HS6ST3: variants seen among roughly 807,000 people sequenced by gnomAD.
HS6ST3 encodes heparan sulfate 6-O-sulfotransferase 3, also known as heparan-sulfate 6-O-sulfotransferase 3.
HS6ST3 carries 12 observed loss-of-function variants against 36.7 expected under a neutral mutation model. That is an observed-to-expected ratio of 0.33 (90% confidence interval 0.21 to 0.53). The LOEUF is 0.53. Ranked by LOEUF, HS6ST3 falls within the 20% of genes least tolerant of loss-of-function variation. HS6ST3 has a pLI of 0.95. For missense variants in HS6ST3, 584 were observed against 640.9 expected, an observed-to-expected ratio of 0.91 and a Z score of 0.96; for synonymous variants, 240 against 257.5, an observed-to-expected ratio of 0.93 and a Z score of 0.65.
At position 96,832,576 on chromosome 13, in the gene HS6ST3, A is replaced by G. The variant is rs9516771; in HGVS notation, c.794A>G (p.Lys265Arg). 0.056 allele frequency: 90,591 copies of G among 1,613,772 alleles called. 2,911 individuals are homozygous for G. Among genetic ancestry groups the G allele is most frequent in the Middle Eastern group, 0.093 (566 of 6,058 alleles). Residue 265 changes from lysine (K) to arginine (R), a missense_variant, in exon 2 of 2, where the codon AAA (lysine) becomes AGA (arginine). This residue lies in a region of HS6ST3 where 360 missense variants were observed against 411.3 expected (regional missense o/e 0.88). Coordinates refer to ENST00000376705, the MANE Select transcript of HS6ST3 (RefSeq NM_153456.4). ...WKHVQRGATW[K>R]TSLHMCDGRS... ...CATGTCCAGAGAGGGGCCACTTGGA[A>G]AACCTCTCTTCATATGTGTGATGGA...
At chr13:96,332,329 C>T (rs1400879013) in intron 1 of HS6ST3, among the ~76,000 whole-genome samples, 1 of 152,152 alleles carries the variant, frequency 6.6e-6, no homozygotes, top group Non-Finnish European at 1.5e-5. Flanking sequence ...ATGGCTCTTG[C>T]AGACCATGTA....
intron 1 of HS6ST3, among the ~76,000 whole-genome samples, chr13:96,799,784 TAA>T (rs141104397): frequency 1.0e-4 from 14 of 140,190 alleles, no homozygotes; most frequent in African/African-American, 3.4e-4. Flanking sequence ...AGTATAATAA[TAA>T]AAAAAAAAAA....
At chr13:96,671,783 C>T (rs540073958) in intron 1 of HS6ST3, among the ~76,000 whole-genome samples, 1 of 152,168 alleles carries the variant, frequency 6.6e-6, no homozygotes, top group East Asian at 1.9e-4. Context: ...ATCATCTCTT[C>T]AAAGACTCTC....
chr13:96,197,049 C>G (rs1404484522), intron 1 of HS6ST3, among the ~76,000 whole-genome samples: 1 of 152,202 alleles, frequency 6.6e-6, no homozygotes, highest in Admixed American at 6.5e-5. Flanking sequence ...AGGACTGGCT[C>G]ATTGTCAATG....
intron 1 of HS6ST3, among the ~76,000 whole-genome samples, chr13:96,572,486 A>T (rs767777425): frequency 6.6e-6 from 1 of 152,206 alleles, no homozygotes; most frequent in Non-Finnish European, 1.5e-5. Flanking sequence ...CAGATAAATT[A>T]TTCAGTTATT....
At chr13:96,775,658 A>G (rs1176169411) in intron 1 of HS6ST3, among the ~76,000 whole-genome samples, 1 of 152,200 alleles carries the variant, frequency 6.6e-6, no homozygotes, top group Admixed American at 6.5e-5. Context: ...ATATATATCC[A>G]CCCAATACAG....
rs533767457 is a variant in HS6ST3 at position 96,574,843 on chromosome 13, A to G, written c.708-257647A>G. ...CCACACTCTGAAGCTGGAATTGATG[A>G]TCCACGAGGGTTGAACACACACACA... On this transcript the variant is annotated intron_variant, in intron 1 of 1. Transcript: ENST00000376705. 5.3e-5 allele frequency among the ~76,000 whole-genome samples: 8 copies of G among 152,230 alleles called. No homozygotes were observed. In the South Asian group the frequency reaches 1.0e-3, roughly 20 times the overall value.
chr13:96,318,127 G>A (rs774088481), intron 1 of HS6ST3, among the ~76,000 whole-genome samples: 3 of 152,112 alleles, frequency 2.0e-5, no homozygotes, highest in Non-Finnish European at 4.4e-5. Flanking sequence ...ATTTTCCAAG[G>A]CTGATGTTAA....
chr13:96,229,467 C>T (rs2054497310), intron 1 of HS6ST3, among the ~76,000 whole-genome samples: 1 of 152,196 alleles, frequency 6.6e-6, no homozygotes, highest in Non-Finnish European at 1.5e-5. Flanking sequence ...GGCTCTCTTC[C>T]TGGCTCACAG....
At chr13:96,431,708 T>C (rs904000882) in intron 1 of HS6ST3, among the ~76,000 whole-genome samples, 4 of 152,164 alleles carry the variant, frequency 2.6e-5, no homozygotes, top group Non-Finnish European at 5.9e-5. Context: ...ATAAAACAAA[T>C]AGTTGCCCAC....
At chr13:96,344,649 C>G (rs1010226106) in intron 1 of HS6ST3, among the ~76,000 whole-genome samples, 1 of 152,172 alleles carries the variant, frequency 6.6e-6, no homozygotes, top group African/African-American at 2.4e-5. Context: ...TAGTGGTACA[C>G]ACTGACCCTG....
chr13:96,480,938 A>G (rs2055887433), intron 1 of HS6ST3, among the ~76,000 whole-genome samples: 1 of 152,198 alleles, frequency 6.6e-6, no homozygotes, highest in East Asian at 1.9e-4. Context: ...AGAGAAACTA[A>G]ATGCTTTGGA....
intron 1 of HS6ST3, among the ~76,000 whole-genome samples, chr13:96,178,904 A>G (rs2054225368): frequency 1.3e-5 from 2 of 152,372 alleles, no homozygotes; most frequent in South Asian, 4.1e-4. Flanking sequence ...CAGGTTTTAT[A>G]TAAAAGAATA....
chr13:96,739,113 CCTT>C lies in HS6ST3; in HGVS notation c.708-93373_708-93371del, dbSNP rs552730719. On this transcript the variant is annotated intron_variant, in intron 1 of 1. Coordinates refer to ENST00000376705, the MANE Select transcript of HS6ST3 (RefSeq NM_153456.4). Reference sequence around the variant, plus strand: ...TTTTTTTTTTCTTCCCCTTTCTACTCCTTCTTAGTCTCTTTGCTTTTTCCTCCT... The same window carrying C: ...TTTTTTTTTTCTTCCCCTTTCTACTCCTTAGTCTCTTTGCTTTTTCCTCCT... Among the ~76,000 whole-genome samples, 772 of 151,866 alleles carry C rather than the reference CCTT, an allele frequency of 5.1e-3. 4 individuals carry two copies. The highest frequency in any genetic ancestry group is 0.018 in the African/African-American group (726 of 41,396).
chr13:96,823,918 A>G (rs1445079021), intron 1 of HS6ST3, among the ~76,000 whole-genome samples: 2 of 152,030 alleles, frequency 1.3e-5, no homozygotes, highest in East Asian at 3.9e-4. Context: ...CACCCAGTCT[A>G]TTTTCTTCTT....
intron 1 of HS6ST3, among the ~76,000 whole-genome samples, chr13:96,752,485 T>G (rs1876724890): frequency 6.6e-6 from 1 of 152,210 alleles, no homozygotes; most frequent in Non-Finnish European, 1.5e-5. Context: ...CGTTTTTATT[T>G]TGCCTATCTA....
At chr13:96,697,912 A>G (rs2138450082) in intron 1 of HS6ST3, among the ~76,000 whole-genome samples, 1 of 152,280 alleles carries the variant, frequency 6.6e-6, no homozygotes, top group Admixed American at 6.5e-5. Context: ...ATTGTTTTCT[A>G]GTGGTTAATG....
chr13:96,333,012 C>T (rs770243960), intron 1 of HS6ST3, among the ~76,000 whole-genome samples: 3 of 152,182 alleles, frequency 2.0e-5, no homozygotes, highest in South Asian at 2.1e-4. Context: ...TCCTTAGACA[C>T]CAAATTTACT....
chr13:96,368,369 A>G lies in HS6ST3; in HGVS notation c.707+276800A>G, dbSNP rs147554227. Among the ~76,000 whole-genome samples the G allele has an allele frequency of 6.2e-3, 949 of 152,282 alleles. 9 individuals carry two copies. Among genetic ancestry groups the G allele is most frequent in the African/African-American group, 0.022 (910 of 41,556 alleles). On this transcript the variant is annotated intron_variant, in intron 1 of 1. Transcript: ENST00000376705. ...CATAGCATGTTGTATATAAATGCCT[A>G]TTATATTAAGCTTTACTATATTTGA...
Sources: gnomAD v4.1 joint callset for allele counts (sites outside exome capture counted in the v4.1 genomes callset) on GRCh38, gnomAD v4.1.1 for gene constraint, gnomAD v4.1.1 regional missense constraint, MANE v1.5 for transcripts, NCBI Gene and HGNC (gene_info 2026-07-23, HGNC 2026-07-21) for gene names.